Variants in MIA2 observed in about 807,000 individuals in gnomAD.
MIA2 encodes MIA SH3 domain ER export factor 2, also known as melanoma inhibitory activity protein 2.
In MIA2, 127 loss-of-function variants were observed where a neutral mutation model predicts 167.8. The observed-to-expected ratio is 0.76, with a 90% CI of 0.66 to 0.88. MIA2 has a LOEUF of 0.88. MIA2 is among the 40% of genes least tolerant of loss of function. The pLI is 0.00. For synonymous variants in MIA2, 552 were observed against 541.9 expected, an observed-to-expected ratio of 1.02 and a Z score of -0.26; for missense variants, 1,690 against 1,624.7, an observed-to-expected ratio of 1.04 and a Z score of -0.69.
chr14:39,284,079 T>C (rs2059305916), intron 9 of MIA2, among the ~76,000 whole-genome samples: 1 of 152,226 alleles, frequency 6.6e-6, no homozygotes, highest in Admixed American at 6.5e-5. Context: ...CACTTACTTT[T>C]TGCTTTTGTA....
At position 39,333,484 on chromosome 14, in the gene MIA2, C is replaced by T. The variant is rs139894239; in HGVS notation, c.3655+6462C>T. On this transcript the variant is annotated intron_variant, in intron 25 of 28. Transcript: ENST00000640607. ...CCCAGAATATTGGGCTCTACCTTTG[C>T]GGCTTTCTCCTTTCTAGGATATCCC... 7.7e-4 allele frequency among the ~76,000 whole-genome samples: 117 copies of T among 151,456 alleles called. 1 individual carries two copies. The South Asian group carries it at 0.018, about 24-fold the overall frequency.
At chr14:39,379,900 C>T (rs568553514) in intron 23 of MIA2, among the ~76,000 whole-genome samples, 1 of 151,808 alleles carries the variant, frequency 6.6e-6, no homozygotes, top group African/African-American at 2.4e-5. Flanking sequence ...ATGTTTTTAT[C>T]TCAGTTTTCC....
chr14:39,293,234 C>A lies in MIA2; in HGVS notation c.2209-37C>A, dbSNP rs964467722. The A allele has an allele frequency of 3.7e-6, 5 of 1,361,762 alleles. No homozygotes were observed. The African/African-American group carries it at 5.8e-5, about 16-fold the overall frequency. 84.4% of individuals were successfully genotyped at this position (1,361,762 alleles called of 1,614,324 possible). A position where few individuals can be genotyped will look rare whatever the true frequency, so the allele number is the denominator to read the frequency against. Reference sequence around the variant, plus strand: ...CGTCTGATTTCCCTAATGAAAAATTCTTATATCTGTTTAATAAAGTTGGCT... The same window carrying A: ...CGTCTGATTTCCCTAATGAAAAATTATTATATCTGTTTAATAAAGTTGGCT... On this transcript the variant is annotated intron_variant, in intron 10 of 28. Coordinates refer to ENST00000640607, the MANE Select transcript of MIA2 (RefSeq NM_001329214.4).
At chr14:39,340,032 G>A (rs976163380) in intron 25 of MIA2, among the ~76,000 whole-genome samples, 7 of 151,994 alleles carry the variant, frequency 4.6e-5, no homozygotes, top group Non-Finnish European at 1.0e-4. Flanking sequence ...CTGTAGAGAC[G>A]GGGCCTCACT....
At chr14:39,367,715 T>C (rs983020852) in intron 23 of MIA2, among the ~76,000 whole-genome samples, 4 of 152,230 alleles carry the variant, frequency 2.6e-5, no homozygotes, top group African/African-American at 9.6e-5. Context: ...CAAAGTGTGA[T>C]TATCTACATG....
chr14:39,301,039 T>TACACACAC (rs58641218), intron 14 of MIA2, among the ~76,000 whole-genome samples: 5 of 145,152 alleles, frequency 3.4e-5, no homozygotes, highest in African/African-American at 7.8e-5. Flanking sequence ...TACATATACA[T>TACACACAC]ACACACACAC....
intron 23 of MIA2, among the ~76,000 whole-genome samples, chr14:39,373,576 CTT>C (rs1418756207): frequency 6.6e-6 from 1 of 152,180 alleles, no homozygotes; most frequent in African/African-American, 2.4e-5. Flanking sequence ...AATCCCAGCA[CTT>C]TGGGAGGCCA....
intron 17 of MIA2, among the ~76,000 whole-genome samples, chr14:39,305,588 T>C (rs1488410003): frequency 6.6e-6 from 1 of 152,228 alleles, no homozygotes; most frequent in Non-Finnish European, 1.5e-5. Flanking sequence ...GTTTCTTCCT[T>C]TTCTGGTAAT....
At chr14:39,303,044 A>G (rs1282519887) in intron 15 of MIA2, among the ~76,000 whole-genome samples, 1 of 152,148 alleles carries the variant, frequency 6.6e-6, no homozygotes, top group African/African-American at 2.4e-5. Context: ...AAGTATATAA[A>G]GTTCTGTTTG....
intron 25 of MIA2, among the ~76,000 whole-genome samples, chr14:39,334,998 C>T (rs1028378092): frequency 1.6e-4 from 24 of 152,118 alleles, no homozygotes; most frequent in African/African-American, 5.8e-4. Context: ...GCCTGTAATC[C>T]TAGCACTTTG....
intron 23 of MIA2, among the ~76,000 whole-genome samples, chr14:39,365,802 T>C (rs1483746209): frequency 2.0e-5 from 3 of 152,232 alleles, no homozygotes; most frequent in Admixed American, 2.0e-4. Flanking sequence ...TTTGAATTAT[T>C]TCTCCAGCAT....
At chr14:39,294,115 TTTTAG>T in intron 12 of MIA2, 44 bp downstream of exon 12, 1 of 1,383,522 alleles carries the variant, frequency 7.2e-7, no homozygotes, top group East Asian at 2.3e-5. Context: ...TTGGAAATAA[TTTTAG>T]TTTAATTTTT....
At chr14:39,292,301 C>T (rs1237354400) in intron 10 of MIA2, among the ~76,000 whole-genome samples, 1 of 152,098 alleles carries the variant, frequency 6.6e-6, no homozygotes, top group African/African-American at 2.4e-5. Flanking sequence ...AAATATTACA[C>T]ATCAATTTAT....
chr14:39,266,105 A>G, intron 6 of MIA2: 2 of 985,476 alleles, frequency 2.0e-6, no homozygotes, highest in Non-Finnish European at 2.4e-6. Flanking sequence ...TTACATCAGG[A>G]AAATTTCCTA....
At chr14:39,340,525 A>G (rs1451153369) in intron 25 of MIA2, among the ~76,000 whole-genome samples, 1 of 152,200 alleles carries the variant, frequency 6.6e-6, no homozygotes, top group African/African-American at 2.4e-5. Flanking sequence ...TGATTCATAG[A>G]CATTTATGCT....
chr14:39,308,920 A>G (rs939074370), intron 18 of MIA2, among the ~76,000 whole-genome samples: 1 of 152,208 alleles, frequency 6.6e-6, no homozygotes, highest in South Asian at 2.1e-4. Flanking sequence ...CATCTCTGAT[A>G]TATGTAAAAC....
Position 39,247,310 on chromosome 14 carries a change from G to C in MIA2, c.736G>C (p.Val246Leu), listed in dbSNP as rs1302855840. ...EKAFESVIEP[V>L]QESSFRSRKI... The stretch of plus-strand genomic sequence containing the variant: ...GGCTTTTGAATCAGTTATTGAACCT[G>C]TACAAGAAAGCTCATTTCGGAGTAG... Residue 246 changes from valine to leucine, a missense_variant, in exon 4 of 29, where the codon GTA becomes CTA. Val to Leu is a conservative substitution (Grantham distance 32). Coordinates refer to ENST00000640607, the MANE Select transcript of MIA2 (RefSeq NM_001329214.4). 1.2e-6 allele frequency: 2 copies of C among 1,613,998 alleles called. No individual in the cohort carries two copies. Among genetic ancestry groups the C allele is most frequent in the South Asian group, 2.2e-5 (2 of 91,070 alleles).
intron 6 of MIA2, among the ~76,000 whole-genome samples, chr14:39,256,601 A>T (rs752668315): frequency 6.6e-6 from 1 of 152,284 alleles, no homozygotes; most frequent in African/African-American, 2.4e-5. Flanking sequence ...AAAATAACAA[A>T]GAAATTATGA....
chr14:39,237,616 T>A (rs2053815891), intron 2 of MIA2, among the ~76,000 whole-genome samples: 1 of 152,200 alleles, frequency 6.6e-6, no homozygotes, highest in Non-Finnish European at 1.5e-5. Flanking sequence ...ATGCCTTGAA[T>A]TTATTTTTAC....
Sources: gnomAD v4.1 joint callset for allele counts (sites outside exome capture counted in the v4.1 genomes callset) on GRCh38, gnomAD v4.1.1 for gene constraint, MANE v1.5 for transcripts, NCBI Gene and HGNC (gene_info 2026-07-23, HGNC 2026-07-21) for gene names.